The following BCAS3 variants were observed in gnomAD, a reference collection of about 807,000 sequenced individuals.
The protein encoded by BCAS3 is BCAS3 microtubule associated cell migration factor.
Under a neutral mutation model 116.1 loss-of-function variants are expected in BCAS3, and 53 were observed. That is an observed-to-expected ratio of 0.46 (90% CI 0.37 to 0.57). The LOEUF (loss-of-function observed/expected upper bound fraction) is 0.57. Among genes scored for constraint, BCAS3 ranks in the 20% least tolerant of loss-of-function variants. BCAS3 has a pLI of 0.00. For missense variants in BCAS3, 917 were observed against 1,165.4 expected (o/e 0.79, Z 3.10); for synonymous variants, 391 against 408.2 (o/e 0.96, Z 0.51).
At chr17:60,770,130 G>T (rs939424145) in intron 6 of BCAS3, among the ~76,000 whole-genome samples, 2 of 152,066 alleles carry the variant, frequency 1.3e-5, no homozygotes, top group African/African-American at 4.8e-5. Flanking sequence ...GAAAGCCTGT[G>T]GGAGTTCAAG....
intron 22 of BCAS3, among the ~76,000 whole-genome samples, chr17:61,271,943 G>A (rs2050318962): frequency 6.6e-6 from 1 of 152,004 alleles, no homozygotes; most frequent in Non-Finnish European, 1.5e-5. Context: ...TCAAGTTGCT[G>A]GGACTACAGG....
chr17:60,840,471 C>A (rs1438838367), intron 7 of BCAS3, among the ~76,000 whole-genome samples: 1 of 152,072 alleles, frequency 6.6e-6, no homozygotes, highest in African/African-American at 2.4e-5. Context: ...TAGTTTGTGA[C>A]AAAGAAAATG....
chr17:61,313,851 G>T lies in BCAS3; in HGVS notation c.2426-54476G>T, dbSNP rs575008700. ...CTCAAGCAAGAGATGTTTCAATGCCGCGGAGCCAGTGACCACACGTGGGCC... is the reference window on the plus strand; with the variant it reads ...CTCAAGCAAGAGATGTTTCAATGCCTCGGAGCCAGTGACCACACGTGGGCC... On this transcript the variant is annotated intron_variant, in intron 22 of 23. Transcript: ENST00000407086. This position sits in a 1 kb window ranked among gnomAD's most constrained non-coding sequence, Gnocchi z 4.3. 6.6e-6 allele frequency among the ~76,000 whole-genome samples: 1 copy of T among 152,310 alleles called. No individual in the cohort carries two copies. Among genetic ancestry groups the T allele is most frequent in the South Asian group, 2.1e-4 (1 of 4,824 alleles).
chr17:61,037,966 C>T lies in BCAS3; in HGVS notation c.1840C>T (p.Pro614Ser). 1 of 1,614,022 alleles carries T rather than the reference C, an allele frequency of 6.2e-7. No homozygotes were observed. The highest frequency in any genetic ancestry group is 8.5e-7 in the Non-Finnish European group (1 of 1,179,934). The change falls in exon 18 of 24, where the codon CCG (proline) becomes TCG (serine). Residue 614 changes from proline (P) to serine (S), a missense_variant. Coordinates refer to ENST00000407086, the MANE Select transcript of BCAS3 (RefSeq NM_017679.5). The surrounding 1 kb of genome is among the most constrained non-coding windows in gnomAD (Gnocchi z 4.7). ...YGTLVEHMME[P>S]RPLSTAPKIS... ...CACCTTAGTGGAACACATGATGGAG[C>T]CGCGACCCCTCAGCACTGCACCCAA...
chr17:61,025,552 A>G (rs2066180657), intron 16 of BCAS3, among the ~76,000 whole-genome samples: 1 of 152,132 alleles, frequency 6.6e-6, no homozygotes, highest in Non-Finnish European at 1.5e-5. Context: ...ACTCGTGCAC[A>G]TACCAGCTTA....
rs1409351054 is a variant in BCAS3, at chr17:61,141,004, T to G, written c.2425+56440T>G. On this transcript the variant is annotated intron_variant, in intron 22 of 23. Transcript: ENST00000407086. This position sits in a 1 kb window ranked among gnomAD's most constrained non-coding sequence, Gnocchi z 4.3. ...GGGCAGGCATGAAGCCCGTGAGAGA[T>G]CATTGCTACCACTTCTACTTTTCAT... 6.6e-6 allele frequency among the ~76,000 whole-genome samples: 1 copy of G among 152,016 alleles called. No homozygotes were observed. The highest frequency in any genetic ancestry group is 1.9e-4 in the East Asian group (1 of 5,168).
At chr17:60,684,607 C>G (rs2033750763) in intron 3 of BCAS3, among the ~76,000 whole-genome samples, 1 of 151,944 alleles carries the variant, frequency 6.6e-6, no homozygotes, top group South Asian at 2.1e-4. Flanking sequence ...ACTTGGCATA[C>G]TTATTAAAAG....
intron 7 of BCAS3, among the ~76,000 whole-genome samples, chr17:60,825,542 ATAAT>A (rs1006771433): frequency 2.9e-5 from 4 of 136,128 alleles, no homozygotes; most frequent in African/African-American, 8.9e-5. Context: ...TAATTTATAA[ATAAT>A]TATTTATAAT....
intron 22 of BCAS3, among the ~76,000 whole-genome samples, chr17:61,129,758 T>C (rs2076232665): frequency 6.6e-6 from 1 of 152,246 alleles, no homozygotes; most frequent in African/African-American, 2.4e-5. Context: ...GTTCCTCCCG[T>C]GGACTTCATG....
rs2065865688 is a variant in BCAS3, at chr17:61,021,378, G to C, written c.1637+5477G>C. On this transcript the variant is annotated intron_variant, in intron 16 of 23. Transcript: ENST00000407086. The surrounding 1 kb of genome is among the most constrained non-coding windows in gnomAD (Gnocchi z 4.6). ...CCCGGCCATGTTTATTCATTTCTTT[G>C]TGAAGATTTAGGTGGTTATTAGGAA... Among the ~76,000 whole-genome samples the C allele has an allele frequency of 3.3e-5, 5 of 152,126 alleles. No individual in the cohort carries two copies. The South Asian group carries it at 1.0e-3, about 32-fold the overall frequency.
Position 60,947,286 on chromosome 17 carries a change from TTGGTC to T in BCAS3, c.1156_1160del (p.Trp386LeufsTer18). 6.2e-7 allele frequency: 1 copy of T among 1,612,976 alleles called. No homozygotes were observed. Among genetic ancestry groups the T allele is most frequent in the Non-Finnish European group, 8.5e-7 (1 of 1,178,952 alleles). On this transcript the variant is annotated frameshift_variant, in exon 14 of 24. Coordinates refer to ENST00000407086, the MANE Select transcript of BCAS3 (RefSeq NM_017679.5). LOFTEE classifies it high-confidence loss of function. Reference sequence around the variant, plus strand: ...ATGTCTTCCAAATTCTGACTCATCCTTGGTCCTCATCACAATGTGCTGTCCACCAT... The same window carrying T: ...ATGTCTTCCAAATTCTGACTCATCCTCTCATCACAATGTGCTGTCCACCAT...
In BCAS3 at chr17:61,220,555, G is replaced by A. The variant is rs905121182; in HGVS notation, c.2425+135991G>A. 4.6e-5 allele frequency among the ~76,000 whole-genome samples: 7 copies of A among 152,062 alleles called. No individual in the cohort carries two copies. The highest frequency in any genetic ancestry group is 8.8e-5 in the Non-Finnish European group (6 of 68,004). ...AACAGAATGGATATCCACTCCACCT[G>A]GAATTCTCTTTGCTAAAACAATGAG... On this transcript the variant is annotated intron_variant, in intron 22 of 23. Coordinates refer to ENST00000407086, the MANE Select transcript of BCAS3 (RefSeq NM_017679.5). The surrounding 1 kb of genome is among the most constrained non-coding windows in gnomAD (Gnocchi z 4.5).
intron 22 of BCAS3, among the ~76,000 whole-genome samples, chr17:61,304,899 G>A (rs755908717): frequency 5.9e-5 from 9 of 151,916 alleles, no homozygotes; most frequent in East Asian, 1.9e-4. Context: ...GATTACAGGC[G>A]TGCACCACCA....
At chr17:60,684,723 T>G (rs2033767293) in intron 3 of BCAS3, among the ~76,000 whole-genome samples, 1 of 152,164 alleles carries the variant, frequency 6.6e-6, no homozygotes, top group African/African-American at 2.4e-5. Context: ...ATGGTACCTT[T>G]GGGAAGCACT....
intron 22 of BCAS3, among the ~76,000 whole-genome samples, chr17:61,263,377 A>C (rs1277845054): frequency 6.6e-6 from 1 of 152,234 alleles, no homozygotes; most frequent in African/African-American, 2.4e-5. Flanking sequence ...TAACCTGGAC[A>C]TAGGGGTGAG....
chr17:61,319,888 T>C (rs146059939), intron 22 of BCAS3, among the ~76,000 whole-genome samples: 178 of 131,264 alleles, frequency 1.4e-3, no homozygotes, highest in African/African-American at 5.6e-3. Context: ...TTCTTTTTTT[T>C]ATTTTTTATT....
intron 15 of BCAS3, among the ~76,000 whole-genome samples, chr17:61,000,753 A>G (rs1413115797): frequency 1.3e-5 from 2 of 152,192 alleles, no homozygotes; most frequent in Non-Finnish European, 2.9e-5. Context: ...GGCTTTTAGA[A>G]CAATACTAGG....
chr17:61,148,590 A>AT (rs2077372879), intron 22 of BCAS3, among the ~76,000 whole-genome samples: 1 of 152,224 alleles, frequency 6.6e-6, no homozygotes, highest in Middle Eastern at 3.4e-3. Flanking sequence ...ATATTTCCTG[A>AT]TTTTTTAAAC....
At chr17:60,685,856 A>T (rs1406272052) in intron 3 of BCAS3, among the ~76,000 whole-genome samples, 1 of 151,756 alleles carries the variant, frequency 6.6e-6, no homozygotes, top group African/African-American at 2.4e-5. Context: ...TAATAGGAGT[A>T]ACTTTTTGTT....
Sources: gnomAD v4.1 joint callset for allele counts (sites outside exome capture counted in the v4.1 genomes callset) on GRCh38, gnomAD v4.1.1 for gene constraint, Gnocchi (gnomAD v3.1) non-coding constraint, MANE v1.5 for transcripts, NCBI Gene and HGNC (gene_info 2026-07-23, HGNC 2026-07-21) for gene names.